The following TREML4 variants were observed in gnomAD, a reference collection of about 807,000 sequenced individuals.
TREML4 encodes triggering receptor expressed on myeloid cells like 4.
A neutral mutation model predicts 25.4 loss-of-function variants in TREML4; 25 were observed. The observed-to-expected ratio is 0.98, with a 90% CI of 0.72 to 1.37. The LOEUF is 1.37. Ranked by LOEUF, TREML4 falls within the 40% of genes most tolerant of loss-of-function variation. The pLI is 0.00. For synonymous variants in TREML4, 92 were observed against 87.9 expected, an observed-to-expected ratio of 1.05 and a Z score of -0.26; for missense variants, 268 against 236.5, an observed-to-expected ratio of 1.13 and a Z score of -0.87.
Position 41,229,526 on chromosome 6 carries a change from A to G in TREML4, c.400A>G (p.Thr134Ala). The G allele has an allele frequency of 6.2e-7, 1 of 1,613,502 alleles. No homozygotes were observed. Among genetic ancestry groups the G allele is most frequent in the Non-Finnish European group, 8.5e-7 (1 of 1,179,788 alleles). ...NISLVVSPAP[T>A]TSPMWTLPWL... Reference sequence around the variant, plus strand: ...CTGCTGTCTTTTCTCTTTAGCCCCAACCACGTCTCCTATGTGGACTCTTCC... The same window carrying G: ...CTGCTGTCTTTTCTCTTTAGCCCCAGCCACGTCTCCTATGTGGACTCTTCC... Residue 134 changes from threonine to alanine, a missense_variant, in exon 3 of 6, where the codon ACC (threonine) becomes GCC (alanine). Transcript: ENST00000341495.
rs773613754 is a variant in TREML4, at chr6:41,237,863, A to G, written c.*844A>G. ...TGTGAGAAGATTCACAGCCTAAAAG[A>G]GAAAATCAAGTTGAACTAACAATAA... is the stretch of plus-strand genomic sequence containing the variant. On this transcript the variant is annotated 3_prime_UTR_variant, in exon 6 of 6. Coordinates refer to ENST00000341495, the MANE Select transcript of TREML4 (RefSeq NM_198153.3). 6.6e-6 allele frequency: 1 copy of G among 152,240 alleles called. No individual in the cohort carries two copies. The highest frequency in any genetic ancestry group is 1.5e-5 in the Non-Finnish European group (1 of 68,034). The allele number at this position is 152,240 out of a possible 1,614,324, so 9.4% of individuals were successfully genotyped here.
rs193149100 is a variant in TREML4, at chr6:41,233,002, A to G, written c.506+2880A>G. ...ACAATAACAACATGGGGTGAGAAGG[A>G]GAGACCAGAAGCCCATGAAAGAATG... On this transcript the variant is annotated intron_variant, in intron 4 of 5. Transcript: ENST00000341495. 8.7e-4 allele frequency among the ~76,000 whole-genome samples: 133 copies of G among 152,306 alleles called. 1 individual carries two copies. The highest frequency in any genetic ancestry group is 1.3e-3 in the Admixed American group (20 of 15,300).
chr6:41,236,506 GC>G lies in TREML4; in HGVS notation c.529del (p.Gly178AlafsTer21). On this transcript the variant is annotated frameshift_variant, in exon 5 of 6. Transcript: ENST00000341495. LOFTEE classifies it high-confidence loss of function. ...TGCAGGAAATCAAGAGCCCCTGCCT[GC>G]CTTGGCTCAGGTGGCCCCAGATTCC... ...SETRKSRAPA[C>X]LGSGGPRFLV... The G allele has an allele frequency of 1.9e-6, 3 of 1,614,032 alleles. No homozygotes were observed. The highest frequency in any genetic ancestry group is 1.7e-5 in the Admixed American group (1 of 60,012).
At chr6:41,235,908 A>G (rs1461593442) in intron 4 of TREML4, among the ~76,000 whole-genome samples, 1 of 152,338 alleles carries the variant, frequency 6.6e-6, no homozygotes. Flanking sequence ...TGAGGCAGAA[A>G]GTTACCAAGG....
chr6:41,235,014 G>A (rs1219437250), intron 4 of TREML4, among the ~76,000 whole-genome samples: 2 of 151,930 alleles, frequency 1.3e-5, no homozygotes, highest in Non-Finnish European at 2.9e-5. Context: ...TTGAAAAGAA[G>A]ACTGATTATA....
At position 41,232,970 on chromosome 6, in the gene TREML4, G is replaced by C. The variant is rs574244168; in HGVS notation, c.506+2848G>C. Reference sequence around the variant, plus strand: ...TGTGACTCAGGGGTTGGGGACCCCTGTTCTAGACAATAACAACATGGGGTG... The same window carrying C: ...TGTGACTCAGGGGTTGGGGACCCCTCTTCTAGACAATAACAACATGGGGTG... On this transcript the variant is annotated intron_variant, in intron 4 of 5. Transcript: ENST00000341495. Among the ~76,000 whole-genome samples the C allele has an allele frequency of 1.2e-4, 18 of 152,298 alleles. No homozygotes were observed. The East Asian group carries it at 3.5e-3, about 29-fold the overall frequency.
At chr6:41,229,641 G>T (rs780037235) in intron 3 of TREML4, 70 bp downstream of exon 3, 2 of 1,553,970 alleles carry the variant, frequency 1.3e-6, no homozygotes, top group Non-Finnish European at 1.8e-6. Flanking sequence ...CAGATTCAGG[G>T]AAGGGGAAAC....
At chr6:41,229,158 G>A in intron 2 of TREML4, 114 bp downstream of exon 2, 1 of 919,228 alleles carries the variant, frequency 1.1e-6, no homozygotes, top group Non-Finnish European at 1.6e-6. Context: ...GTATTCTGCT[G>A]TGGTCCAAGG....
In TREML4 at chr6:41,238,695, G is replaced by A. The variant is rs1310028427; in HGVS notation, c.*1676G>A. ...CTGAACCAAGAATCTAGACACTAGC[G>A]ATTATGTGTTTTCTCTGAGTCTATG... On this transcript the variant is annotated 3_prime_UTR_variant, in exon 6 of 6. Coordinates refer to ENST00000341495, the MANE Select transcript of TREML4 (RefSeq NM_198153.3). 1 of 151,946 alleles carries A rather than the reference G, an allele frequency of 6.6e-6. No individual in the cohort carries two copies. Among genetic ancestry groups the A allele is most frequent in the Non-Finnish European group, 1.5e-5 (1 of 68,004 alleles). 9.4% of individuals were successfully genotyped at this position (151,946 alleles called of 1,614,324 possible). A position where few individuals can be genotyped will look rare whatever the true frequency, so the allele number is the denominator to read the frequency against.
chr6:41,233,485 A>G (rs1766839639), intron 4 of TREML4, among the ~76,000 whole-genome samples: 1 of 152,202 alleles, frequency 6.6e-6, no homozygotes. Flanking sequence ...TTATGTCTAT[A>G]ACATTTGTTT....
In TREML4 at chr6:41,229,511, T is replaced by G. The variant is rs763719381; in HGVS notation, c.395-10T>G. The G allele has an allele frequency of 6.8e-6, 11 of 1,613,864 alleles. No individual in the cohort carries two copies. In the South Asian group the frequency reaches 1.2e-4, roughly 18 times the overall value. On this transcript the variant is annotated splice_polypyrimidine_tract_variant and intron_variant, in intron 2 of 5. Transcript: ENST00000341495. ...CTGGAGAGTCATTGTCTGCTGTCTT[T>G]TCTCTTTAGCCCCAACCACGTCTCC...
At chr6:41,230,211 C>T (rs1680575639) in intron 4 of TREML4, 89 bp downstream of exon 4, 2 of 1,107,158 alleles carry the variant, frequency 1.8e-6, no homozygotes, top group Non-Finnish European at 2.7e-6. Flanking sequence ...TCCAGGGCAC[C>T]CAGGGATCCT....
chr6:41,231,648 T>G (rs1031295053), intron 4 of TREML4, among the ~76,000 whole-genome samples: 1 of 152,106 alleles, frequency 6.6e-6, no homozygotes, highest in Non-Finnish European at 1.5e-5. Context: ...GTGAAAAATA[T>G]TATAGACCAC....
intron 4 of TREML4, chr6:41,231,060 T>C: frequency 2.4e-6 from 1 of 417,680 alleles, no homozygotes; most frequent in South Asian, 1.7e-5. Flanking sequence ...TCTGTCACTG[T>C]CTCCCATCAC....
intron 4 of TREML4, among the ~76,000 whole-genome samples, chr6:41,234,254 A>G (rs151336491): frequency 2.6e-5 from 4 of 152,190 alleles, no homozygotes; most frequent in Non-Finnish European, 4.4e-5. Context: ...GCAATAAAAT[A>G]TATTTTGATA....
Position 41,236,540 on chromosome 6 carries a change from G to C in TREML4, c.561G>C (p.Leu187Phe). The C allele has an allele frequency of 6.2e-7, 1 of 1,614,126 alleles. No homozygotes were observed. The highest frequency in any genetic ancestry group is 8.5e-7 in the Non-Finnish European group (1 of 1,180,012). The change falls in exon 5 of 6, where the codon TTG (leucine) becomes TTC (phenylalanine). Residue 187 changes from leucine to phenylalanine, a missense_variant. Coordinates refer to ENST00000341495, the MANE Select transcript of TREML4 (RefSeq NM_198153.3). ...CAGGTGGCCCCAGATTCCTGGTCTTGGTGCTATGTGGACTCCTCCTGGCCA... is the reference window on the plus strand; with the variant it reads ...CAGGTGGCCCCAGATTCCTGGTCTTCGTGCTATGTGGACTCCTCCTGGCCA... Reference protein sequence around the residue: ...LGSGGPRFLVLVLCGLLLAKG... With the variant: ...LGSGGPRFLVFVLCGLLLAKG...
In TREML4 at chr6:41,228,829, C is replaced by A; in HGVS notation, c.179C>A (p.Pro60Gln). 6.2e-7 allele frequency: 1 copy of A among 1,614,144 alleles called. No individual in the cohort carries two copies. Among genetic ancestry groups the A allele is most frequent in the South Asian group, 1.1e-5 (1 of 91,078 alleles). The change falls in exon 2 of 6, where the codon CCA (proline) becomes CAA (glutamine). Residue 60 changes from proline to glutamine, a missense_variant. By Grantham distance (76) the Pro-to-Gln change is moderately conservative (BLOSUM62 -1). Coordinates refer to ENST00000341495, the MANE Select transcript of TREML4 (RefSeq NM_198153.3). ...QPKSWCQQTS[P>Q]SRCTLLVTSS... ...AAATCCTGGTGTCAGCAGACATCTC[C>A]AAGTCGGTGTACCTTACTTGTCACC...
chr6:41,236,429 C>A, intron 4 of TREML4, 57 bp from the exon 5 acceptor site: 2 of 1,493,464 alleles, frequency 1.3e-6, no homozygotes, highest in Non-Finnish European at 1.9e-6. Flanking sequence ...AGGGACACCG[C>A]AGGAGGTGGT....
At position 41,238,491 on chromosome 6, in the gene TREML4, C is replaced by T. The variant is rs1049165800; in HGVS notation, c.*1472C>T. 7.9e-5 allele frequency: 12 copies of T among 152,196 alleles called. No homozygotes were observed. Among genetic ancestry groups the T allele is most frequent in the Admixed American group, 6.5e-4 (10 of 15,278 alleles). The allele number at this position is 152,196 out of a possible 1,614,324, so 9.4% of individuals were successfully genotyped here. ...ATCCCACAGTGCATCATTCCGAACC[C>T]AGGGTGCATGTGCTTTTTTGCCTTC... is the stretch of plus-strand genomic sequence containing the variant. On this transcript the variant is annotated 3_prime_UTR_variant, in exon 6 of 6. Transcript: ENST00000341495.
Sources: gnomAD v4.1 joint callset for allele counts (sites outside exome capture counted in the v4.1 genomes callset) on GRCh38, gnomAD v4.1.1 for gene constraint, MANE v1.5 for transcripts, NCBI Gene and HGNC (gene_info 2026-07-23, HGNC 2026-07-21) for gene names.